GPR149: variants seen among roughly 807,000 people sequenced by gnomAD.
GPR149 encodes probable G protein-coupled receptor 149.
GPR149 carries 50 observed loss-of-function variants against 50.2 expected under a neutral mutation model. The ratio of observed to expected loss-of-function variants is 1.00; its 90% CI spans 0.79 to 1.26. GPR149 has a LOEUF of 1.26. GPR149 is among the 50% of genes most tolerant of loss of function. GPR149 has a pLI of 0.00. For missense variants in GPR149, 983 were observed against 895.4 expected (o/e 1.10, Z -1.25); for synonymous variants, 405 against 358.2 (o/e 1.13, Z -1.48).
At chr3:154,406,964 A>G (rs935309448) in intron 3 of GPR149, among the ~76,000 whole-genome samples, 1 of 152,184 alleles carries the variant, frequency 6.6e-6, no homozygotes, top group Non-Finnish European at 1.5e-5. Context: ...CAGACAGGAA[A>G]AGGGATGTCT....
intron 3 of GPR149, among the ~76,000 whole-genome samples, chr3:154,418,045 C>A (rs1475052319): frequency 6.7e-6 from 1 of 150,260 alleles, no homozygotes; most frequent in Non-Finnish European, 1.5e-5. Context: ...ATTTATGCAG[C>A]CAAAAGACAC....
At chr3:154,364,559 T>C (rs967384785) in intron 3 of GPR149, among the ~76,000 whole-genome samples, 8 of 152,224 alleles carry the variant, frequency 5.3e-5, no homozygotes, top group East Asian at 1.9e-4. Flanking sequence ...CAAAATACAA[T>C]GGTGAGATAG....
At chr3:154,395,065 T>TA (rs1292413332) in intron 3 of GPR149, among the ~76,000 whole-genome samples, 1 of 152,084 alleles carries the variant, frequency 6.6e-6, no homozygotes. Context: ...TTCATGTAGG[T>TA]AAAAAACTAT....
intron 3 of GPR149, among the ~76,000 whole-genome samples, chr3:154,381,080 G>A (rs142805478): frequency 2.6e-5 from 4 of 152,238 alleles, no homozygotes; most frequent in East Asian, 1.9e-4. Flanking sequence ...TAATTCTAAC[G>A]TGTAGTCAGT....
At chr3:154,392,950 A>G (rs558009186) in intron 3 of GPR149, among the ~76,000 whole-genome samples, 1 of 152,054 alleles carries the variant, frequency 6.6e-6, no homozygotes, top group Non-Finnish European at 1.5e-5. Flanking sequence ...AAAACTTCCT[A>G]CCAAAGAAAA....
Position 154,427,626 on chromosome 3 carries a change from G to C in GPR149, c.1064C>G (p.Thr355Ser). The change falls in exon 2 of 4, where the codon ACC becomes AGC. Residue 355 changes from threonine (T) to serine (S), a missense_variant. Physicochemically the swap from Thr to Ser is moderately conservative, Grantham distance 58. Coordinates refer to ENST00000389740, the MANE Select transcript of GPR149 (RefSeq NM_001038705.3). ...CAAGACAAACACTGGGGTTACAGTG[G>C]TGGCCAGCAGGGTAAGTAGAAAGCT... is the stretch of plus-strand genomic sequence containing the variant. The part of the protein sequence containing the change: ...TFSFLLTLLA[T>S]TVTPVFVLSK... The C allele has an allele frequency of 6.2e-7, 1 of 1,614,212 alleles. No homozygotes were observed. Among genetic ancestry groups the C allele is most frequent in the Non-Finnish European group, 8.5e-7 (1 of 1,180,020 alleles).
intron 3 of GPR149, chr3:154,353,066 T>G: frequency 7.1e-7 from 1 of 1,416,054 alleles, no homozygotes; most frequent in Non-Finnish European, 1.0e-6. Flanking sequence ...TTTGTGACTG[T>G]GCAATATCCC....
chr3:154,386,685 C>T (rs918522498), intron 3 of GPR149, among the ~76,000 whole-genome samples: 4 of 152,142 alleles, frequency 2.6e-5, no homozygotes, highest in African/African-American at 9.7e-5. Flanking sequence ...TATGGACAAG[C>T]TACTCCTGTA....
At chr3:154,361,039 A>G (rs1409132526) in intron 3 of GPR149, among the ~76,000 whole-genome samples, 1 of 152,192 alleles carries the variant, frequency 6.6e-6, no homozygotes, top group African/African-American at 2.4e-5. Context: ...GCAACAGAAT[A>G]TAGTATACGG....
intron 2 of GPR149, among the ~76,000 whole-genome samples, chr3:154,425,892 T>C (rs1712279489): frequency 6.6e-6 from 1 of 152,134 alleles, no homozygotes; most frequent in Non-Finnish European, 1.5e-5. Flanking sequence ...TGTTTTCAGC[T>C]CTGAGATGGG....
intron 3 of GPR149, among the ~76,000 whole-genome samples, chr3:154,355,832 A>G (rs1256424344): frequency 6.6e-6 from 1 of 152,236 alleles, no homozygotes; most frequent in Non-Finnish European, 1.5e-5. Flanking sequence ...GTCAGAAATG[A>G]TATATTTTCA....
chr3:154,381,365 T>C (rs527652543), intron 3 of GPR149, among the ~76,000 whole-genome samples: 3 of 152,270 alleles, frequency 2.0e-5, no homozygotes, highest in Non-Finnish European at 4.4e-5. Context: ...CCTCATATAC[T>C]TGCTTTTCTG....
intron 3 of GPR149, among the ~76,000 whole-genome samples, chr3:154,380,723 A>G (rs1054888099): frequency 8.6e-5 from 13 of 151,268 alleles, no homozygotes; most frequent in African/African-American, 3.1e-4. Context: ...TTTTTTTTAA[A>G]TGAAAACCTA....
chr3:154,402,506 AGAAAGTTTCAAAGATCCAT>A (rs1212558500), intron 3 of GPR149, among the ~76,000 whole-genome samples: 2 of 151,112 alleles, frequency 1.3e-5, no homozygotes, highest in African/African-American at 4.9e-5. Context: ...ATCAATTCCT[AGAAAGTTTCAAAGATCCAT>A]GAAAGTTTCA....
chr3:154,420,618 T>C (rs1359712208), intron 3 of GPR149, among the ~76,000 whole-genome samples: 1 of 151,976 alleles, frequency 6.6e-6, no homozygotes, highest in Non-Finnish European at 1.5e-5. Flanking sequence ...TCACTGCTAG[T>C]TGTATAAATA....
Position 154,340,535 on chromosome 3 carries a change from T to C in GPR149, c.1624-2264A>G, listed in dbSNP as rs539886091. On this transcript the variant is annotated intron_variant, in intron 3 of 3. Coordinates refer to ENST00000389740, the MANE Select transcript of GPR149 (RefSeq NM_001038705.3). The stretch of plus-strand genomic sequence containing the variant: ...TTGCATTGGATGTATGGAGATGCTA[T>C]CTCTTAAGACCCCACAGATGATTGG... 1.1e-4 allele frequency among the ~76,000 whole-genome samples: 16 copies of C among 152,306 alleles called. No individual in the cohort carries two copies. The East Asian group carries it at 2.9e-3, about 28-fold the overall frequency.
At position 154,429,124 on chromosome 3, in the gene GPR149, G is replaced by T; in HGVS notation, c.492C>A (p.Leu164=). 6.2e-7 allele frequency: 1 copy of T among 1,613,656 alleles called. No homozygotes were observed. The highest frequency in any genetic ancestry group is 8.5e-7 in the Non-Finnish European group (1 of 1,179,938). The change falls in exon 1 of 4, where the codon CTC becomes CTA. Residue 164 remains leucine (L), a synonymous_variant. Transcript: ENST00000389740. ...CCCAGCCGCACAGCGGGAGCGCCGAGAGCAGCAGACTGGCTGCCCACACGG... is the reference window on the plus strand; with the variant it reads ...CCCAGCCGCACAGCGGGAGCGCCGATAGCAGCAGACTGGCTGCCCACACGG... ...VLTVWAASLL[L]SALPLCGWGA...
At chr3:154,345,525 G>A (rs1022655493) in intron 3 of GPR149, among the ~76,000 whole-genome samples, 2 of 152,122 alleles carry the variant, frequency 1.3e-5, no homozygotes, top group Non-Finnish European at 2.9e-5. Context: ...TTGAGTGTAG[G>A]TGGCAAGGAG....
intron 3 of GPR149, among the ~76,000 whole-genome samples, chr3:154,365,419 C>T (rs9821465): frequency 0.23 from 35,705 of 151,978 alleles, 4,510 homozygotes; most frequent in South Asian, 0.32. Context: ...ATCTGGCTTC[C>T]CTCTATTCAT....
Sources: allele counts gnomAD v4.1 joint callset (sites outside exome capture counted in the v4.1 genomes callset), GRCh38; gene constraint gnomAD v4.1.1; transcripts MANE v1.5; gene names NCBI Gene and HGNC (gene_info 2026-07-23, HGNC 2026-07-21).